CIMAP3: variants seen among roughly 807,000 people sequenced by gnomAD.
The protein encoded by CIMAP3 is ciliary microtubule associated protein 3, also known as ciliary microtubule-associated protein 3.
At chr1:111,333,736 C>T in the CIMAP3 span, among the ~76,000 whole-genome samples, 1 of 152,148 alleles carries the variant, frequency 6.6e-6, no homozygotes, top group Non-Finnish European at 1.5e-5. Context: ...TCTTTGCTCC[C>T]CCACTGTACT....
the CIMAP3 span, among the ~76,000 whole-genome samples, chr1:111,334,395 T>C: frequency 6.6e-6 from 1 of 152,158 alleles, no homozygotes; most frequent in Non-Finnish European, 1.5e-5. Context: ...GACCTAGCAG[T>C]AAAGAATCTA....
chr1:111,341,991 T>A, the CIMAP3 span, among the ~76,000 whole-genome samples: 1,203 of 151,924 alleles, frequency 7.9e-3, 16 homozygotes, highest in African/African-American at 0.027. Context: ...AGCATGAGCA[T>A]GGGGTAGAAT....
At chr1:111,331,066 C>T in the CIMAP3 span, among the ~76,000 whole-genome samples, 1 of 152,246 alleles carries the variant, frequency 6.6e-6, no homozygotes, top group African/African-American at 2.4e-5. Context: ...GAGAAATCTG[C>T]TACTAATCTA....
At chr1:111,336,741 G>A in the CIMAP3 span, among the ~76,000 whole-genome samples, 8 of 152,164 alleles carry the variant, frequency 5.3e-5, no homozygotes, top group African/African-American at 1.7e-4. Flanking sequence ...TGAAAGTGAC[G>A]GGGAGAATGG....
At chr1:111,340,938 C>T in the CIMAP3 span, among the ~76,000 whole-genome samples, 1 of 151,906 alleles carries the variant, frequency 6.6e-6, no homozygotes, top group African/African-American at 2.4e-5. Flanking sequence ...TTCACAATAG[C>T]AAAGACTTGG....
the CIMAP3 span, chr1:111,351,175 T>TTG: frequency 1.1e-6 from 1 of 931,988 alleles, no homozygotes; most frequent in African/African-American, 1.7e-5. Flanking sequence ...AGTTTTTTTT[T>TTG]TTTTTTTTTT....
the CIMAP3 span, among the ~76,000 whole-genome samples, chr1:111,339,969 C>T: frequency 4.0e-5 from 6 of 151,790 alleles, no homozygotes; most frequent in East Asian, 1.9e-4. Context: ...TACAAGGCTC[C>T]AGTAACCAAA....
chr1:111,334,455 G>T, the CIMAP3 span, among the ~76,000 whole-genome samples: 1 of 152,080 alleles, frequency 6.6e-6, no homozygotes. Context: ...GAGAAGGCTG[G>T]AATAAATAAT....
the CIMAP3 span, among the ~76,000 whole-genome samples, chr1:111,338,410 C>A: frequency 1.1e-3 from 171 of 150,418 alleles, no homozygotes; most frequent in African/African-American, 4.1e-3. Flanking sequence ...AATCCAGGAG[C>A]TGGTTTTTTG....
chr1:111,347,828 T>C, the CIMAP3 span: 1 of 1,294,000 alleles, frequency 7.7e-7, no homozygotes. Flanking sequence ...TGCACAGGAG[T>C]GCAAAGGGCA....
the CIMAP3 span, among the ~76,000 whole-genome samples, chr1:111,337,906 C>T: frequency 6.6e-6 from 1 of 150,728 alleles, no homozygotes; most frequent in Non-Finnish European, 1.5e-5. Flanking sequence ...TTTTTCAGCA[C>T]CACACCACAC....
chr1:111,338,258 T>C, the CIMAP3 span, among the ~76,000 whole-genome samples: 2 of 151,808 alleles, frequency 1.3e-5, no homozygotes, highest in Non-Finnish European at 2.9e-5. Flanking sequence ...ACATCCAAAA[T>C]TGACACCCTA....
the CIMAP3 span, among the ~76,000 whole-genome samples, chr1:111,333,818 G>A: frequency 6.6e-6 from 1 of 152,130 alleles, no homozygotes; most frequent in Non-Finnish European, 1.5e-5. Context: ...CTTCTTTTGG[G>A]GAGTGTCAGA....
chr1:111,329,558 T>TATATAA, the CIMAP3 span, among the ~76,000 whole-genome samples: 2 of 114,328 alleles, frequency 1.7e-5, no homozygotes, highest in African/African-American at 3.3e-5. Flanking sequence ...TATATATATA[T>TATATAA]AATTTTTTTT....
chr1:111,349,878 G>A, the CIMAP3 span: 7 of 447,980 alleles, frequency 1.6e-5, no homozygotes, highest in East Asian at 1.1e-4. Context: ...ATCTGGAGTC[G>A]ATCTGTGCTC....
At chr1:111,340,222 CT>C in the CIMAP3 span, among the ~76,000 whole-genome samples, 1 of 151,994 alleles carries the variant, frequency 6.6e-6, no homozygotes, top group South Asian at 2.1e-4. Context: ...GGATTAAAGA[CT>C]TAAACGTTAG....
the CIMAP3 span, among the ~76,000 whole-genome samples, chr1:111,351,042 G>A: frequency 4.6e-5 from 7 of 152,052 alleles, no homozygotes; most frequent in East Asian, 1.4e-3. Flanking sequence ...TTACTAAGTA[G>A]TAAATAATTC....
At chr1:111,346,719 AG>A in the CIMAP3 span, 61 of 1,593,564 alleles carry the variant, frequency 3.8e-5, no homozygotes, top group African/African-American at 6.4e-4. Context: ...GGTAGGGGGA[AG>A]GGTGGGGAAG....
chr1:111,342,768 C>T, the CIMAP3 span, among the ~76,000 whole-genome samples: 15 of 152,310 alleles, frequency 9.8e-5, no homozygotes, highest in African/African-American at 3.6e-4. Flanking sequence ...CTCAGTATCA[C>T]TTTTTCCAAT....
Sources: gnomAD v4.1 joint callset for allele counts (sites outside exome capture counted in the v4.1 genomes callset) on GRCh38, gnomAD v4.1.1 for gene constraint, MANE v1.5 for transcripts, NCBI Gene and HGNC (gene_info 2026-07-23, HGNC 2026-07-21) for gene names.